The following SLC7A5 variants were observed in gnomAD, a reference collection of about 807,000 sequenced individuals.
SLC7A5 encodes the protein solute carrier family 7 member 5.
A neutral mutation model predicts 50.2 loss-of-function variants in SLC7A5; 23 were observed. That is an observed-to-expected ratio of 0.46 (90% CI 0.33 to 0.65). The LOEUF is 0.65. Ranked by LOEUF, SLC7A5 falls within the 30% of genes least tolerant of loss-of-function variation. The pLI, the probability that SLC7A5 is intolerant of heterozygous loss-of-function variation, is 0.02. For synonymous variants in SLC7A5, 393 were observed against 330.6 expected (o/e 1.19, Z -2.05); for missense variants, 578 against 684.4 (o/e 0.84, Z 1.73).
Position 87,832,771 on chromosome 16 carries a change from G to C in SLC7A5, c.*199C>G, listed in dbSNP as rs1011787659. 5 of 597,864 alleles carry C rather than the reference G, an allele frequency of 8.4e-6. No homozygotes were observed. Among genetic ancestry groups the C allele is most frequent in the African/African-American group, 7.5e-5 (4 of 53,314 alleles). 37.0% of individuals were successfully genotyped at this position (597,864 alleles called of 1,614,324 possible). A position where few individuals can be genotyped will look rare whatever the true frequency, so the allele number is the denominator to read the frequency against. On this transcript the variant is annotated 3_prime_UTR_variant, in exon 10 of 10. Transcript: ENST00000261622. The surrounding 1 kb of genome is among the most constrained non-coding windows in gnomAD (Gnocchi z 4.6). ...TGGGCAGGAGCACAGGCACACCTGG[G>C]TCCCTGGCCCTCAGTTGAGGGATGA...
chr16:87,835,335 G>C (rs537445828), intron 8 of SLC7A5, among the ~76,000 whole-genome samples: 1 of 152,228 alleles, frequency 6.6e-6, no homozygotes, highest in African/African-American at 2.4e-5. Flanking sequence ...CTGAGCCCCC[G>C]CTGTGCGCAG....
At chr16:87,858,693 A>G (rs1421388006) in intron 1 of SLC7A5, among the ~76,000 whole-genome samples, 2 of 152,164 alleles carry the variant, frequency 1.3e-5, no homozygotes, top group Non-Finnish European at 2.9e-5. Flanking sequence ...GGGATTTTCA[A>G]TCCCGGCTGT....
intron 4 of SLC7A5, 102 bp from the exon 5 acceptor site, chr16:87,839,927 C>A: frequency 6.7e-7 from 1 of 1,496,090 alleles, no homozygotes; most frequent in Admixed American, 1.8e-5. Flanking sequence ...GTAGCTCCAG[C>A]CTCTGTGCTG....
intron 1 of SLC7A5, among the ~76,000 whole-genome samples, chr16:87,865,846 G>A (rs113910174): frequency 1.8e-3 from 271 of 152,260 alleles, no homozygotes; most frequent in African/African-American, 6.1e-3. Context: ...ACCCCGCCGG[G>A]TGCGATGGCT....
Position 87,841,325 on chromosome 16 carries a change from G to T in SLC7A5, c.665-170C>A, listed in dbSNP as rs2143739505. Among the ~76,000 whole-genome samples, 2 of 152,278 alleles carry T rather than the reference G, an allele frequency of 1.3e-5. No homozygotes were observed. The highest frequency in any genetic ancestry group is 4.1e-4 in the South Asian group (2 of 4,820). On this transcript the variant is annotated intron_variant, in intron 2 of 9. Transcript: ENST00000261622. The surrounding 1 kb of genome is among the most constrained non-coding windows in gnomAD (Gnocchi z 4.8). ...CTGCTGAGCCACATGGAGGGTGCAG[G>T]GTTCCAACCACAACCAGGGGGATGT...
chr16:87,835,618 C>T (rs1476883603), intron 8 of SLC7A5, among the ~76,000 whole-genome samples: 10 of 152,344 alleles, frequency 6.6e-5, no homozygotes, highest in South Asian at 4.1e-4. Context: ...CAACTATAGG[C>T]GCCCGCCACC....
chr16:87,849,084 T>A (rs754463261), intron 2 of SLC7A5, among the ~76,000 whole-genome samples: 15 of 152,180 alleles, frequency 9.9e-5, no homozygotes, highest in Non-Finnish European at 1.9e-4. Flanking sequence ...TCTGCCAGAT[T>A]TTCGCTGCAT....
At chr16:87,836,901 G>C in intron 7 of SLC7A5, 6 of 515,138 alleles carry the variant, frequency 1.2e-5, no homozygotes, top group Non-Finnish European at 1.8e-5. Context: ...GGGAGGAGAG[G>C]AGGAAATGGA....
rs575578649 is a variant in SLC7A5 at position 87,832,481 on chromosome 16, T to A, written c.*489A>T. ...AGCCCACAGGGTTGGTTTTCACGAA[T>A]GTCACAAGCCCATGTGTCTGGGCAG... On this transcript the variant is annotated 3_prime_UTR_variant, in exon 10 of 10. Coordinates refer to ENST00000261622, the MANE Select transcript of SLC7A5 (RefSeq NM_003486.7). This position sits in a 1 kb window ranked among gnomAD's most constrained non-coding sequence, Gnocchi z 4.6. The A allele has an allele frequency of 6.6e-6, 1 of 151,384 alleles. No homozygotes were observed. The highest frequency in any genetic ancestry group is 2.0e-4 in the East Asian group (1 of 5,098). 9.4% of individuals were successfully genotyped at this position (151,384 alleles called of 1,614,324 possible).
intron 7 of SLC7A5, among the ~76,000 whole-genome samples, chr16:87,837,061 GCT>G (rs2143718159): frequency 6.6e-6 from 1 of 152,372 alleles, no homozygotes; most frequent in East Asian, 1.9e-4. Context: ...GCACAGCCGT[GCT>G]CCCGAGGACC....
intron 2 of SLC7A5, among the ~76,000 whole-genome samples, chr16:87,845,978 C>T (rs2055149245): frequency 1.3e-5 from 2 of 152,224 alleles, no homozygotes; most frequent in Non-Finnish European, 2.9e-5. Flanking sequence ...CCGAGGCCGA[C>T]GGCACAGAAG....
intron 2 of SLC7A5, among the ~76,000 whole-genome samples, chr16:87,844,658 C>T (rs918648869): frequency 1.3e-5 from 2 of 152,208 alleles, no homozygotes; most frequent in Non-Finnish European, 2.9e-5. Flanking sequence ...GCGTGGGGAA[C>T]ATGGGAATGT....
At chr16:87,857,526 G>A (rs560604960) in intron 1 of SLC7A5, among the ~76,000 whole-genome samples, 9 of 152,300 alleles carry the variant, frequency 5.9e-5, no homozygotes, top group East Asian at 1.9e-4. Flanking sequence ...CAGGCGATCC[G>A]CCCACCTTGG....
In SLC7A5 at chr16:87,861,187, GGC is replaced by G. The variant is rs2055393454; in HGVS notation, c.538+7696_538+7697del. On this transcript the variant is annotated intron_variant, in intron 1 of 9. Transcript: ENST00000261622. The surrounding 1 kb of genome is among the most constrained non-coding windows in gnomAD (Gnocchi z 4.2). Reference sequence around the variant, plus strand: ...GCTATCCAGGTGATGCTCCAGGGAGGGCCAGGCCTACTGGGGGGCAGAACCCT... The same window carrying G: ...GCTATCCAGGTGATGCTCCAGGGAGGCAGGCCTACTGGGGGGCAGAACCCT... Among the ~76,000 whole-genome samples the G allele has an allele frequency of 6.6e-5, 10 of 152,304 alleles. No individual in the cohort carries two copies. The South Asian group carries it at 2.1e-3, about 32-fold the overall frequency.
Position 87,852,746 on chromosome 16 carries a change from T to G in SLC7A5, c.539-897A>C, listed in dbSNP as rs568924595. On this transcript the variant is annotated intron_variant, in intron 1 of 9. Transcript: ENST00000261622. The surrounding 1 kb of genome is among the most constrained non-coding windows in gnomAD (Gnocchi z 4.5). ...GCCACTGTGTGTGTGTGCGTGTGTG[T>G]GTGTGTTTTGGGGGGTTCTGTTGCA... is the stretch of plus-strand genomic sequence containing the variant. 7.2e-4 allele frequency among the ~76,000 whole-genome samples: 110 copies of G among 151,828 alleles called. 1 individual carries two copies. Among genetic ancestry groups the G allele is most frequent in the Admixed American group, 2.5e-3 (38 of 15,250 alleles).
At chr16:87,864,229 T>C (rs1275073355) in intron 1 of SLC7A5, among the ~76,000 whole-genome samples, 1 of 150,716 alleles carries the variant, frequency 6.6e-6, no homozygotes, top group Non-Finnish European at 1.5e-5. Context: ...GAGGCAGAGG[T>C]TGCAGTGAGC....
In SLC7A5 at chr16:87,852,485, G is replaced by C. The variant is rs2055242883; in HGVS notation, c.539-636C>G. On this transcript the variant is annotated intron_variant, in intron 1 of 9. Coordinates refer to ENST00000261622, the MANE Select transcript of SLC7A5 (RefSeq NM_003486.7). The surrounding 1 kb of genome is among the most constrained non-coding windows in gnomAD (Gnocchi z 4.5). ...GGGGCATACGATGAAACCCAAAATAGCACCGTGTGCTTCAGAAGCCTGAGT... is the reference window on the plus strand; with the variant it reads ...GGGGCATACGATGAAACCCAAAATACCACCGTGTGCTTCAGAAGCCTGAGT... Among the ~76,000 whole-genome samples, 1 of 152,162 alleles carries C rather than the reference G, an allele frequency of 6.6e-6. No homozygotes were observed.
At chr16:87,846,871 C>A (rs1451647830) in intron 2 of SLC7A5, among the ~76,000 whole-genome samples, 1 of 152,180 alleles carries the variant, frequency 6.6e-6, no homozygotes, top group Non-Finnish European at 1.5e-5. Context: ...GCTCCCGTGC[C>A]GGGGACGCGG....
chr16:87,841,131 T>C lies in SLC7A5; in HGVS notation c.689A>G (p.Asn230Ser), dbSNP rs201579985. ...GKGDVSNLDPNFSFEGTKLDV... is the reference protein window; with the variant it reads ...GKGDVSNLDPSFSFEGTKLDV... The stretch of plus-strand genomic sequence containing the variant: ...CAGTTTGGTGCCTTCAAATGAGAAG[T>C]TGGGATCTAGATTGGACACATCACC... Residue 230 changes from asparagine to serine, a missense_variant, in exon 3 of 10, where the codon AAC becomes AGC. Around this residue, in one of 2 missense-constraint regions of SLC7A5, gnomAD observed 465 missense variants for 594.6 expected, o/e 0.78. Coordinates refer to ENST00000261622, the MANE Select transcript of SLC7A5 (RefSeq NM_003486.7). The surrounding 1 kb of genome is among the most constrained non-coding windows in gnomAD (Gnocchi z 4.8). 104 of 1,613,514 alleles carry C rather than the reference T, an allele frequency of 6.4e-5. 1 individual carries two copies. In the Middle Eastern group the frequency reaches 6.6e-4, roughly 10 times the overall value.
Sources: gnomAD v4.1 joint callset for allele counts (sites outside exome capture counted in the v4.1 genomes callset) on GRCh38, gnomAD v4.1.1 for gene constraint, gnomAD v4.1.1 regional missense constraint, Gnocchi (gnomAD v3.1) non-coding constraint, MANE v1.5 for transcripts, NCBI Gene and HGNC (gene_info 2026-07-23, HGNC 2026-07-21) for gene names.